The following ALS2 variants were observed in gnomAD, a reference collection of about 807,000 sequenced individuals.
The protein encoded by ALS2 is alsin Rho guanine nucleotide exchange factor ALS2, also known as alsin.
ALS2 carries 117 observed loss-of-function variants against 203.4 expected under a neutral mutation model. That is an observed-to-expected ratio of 0.58 (90% CI 0.50 to 0.67). ALS2 has a LOEUF of 0.67. Ranked by LOEUF, ALS2 falls within the 30% of genes least tolerant of loss-of-function variation. The pLI, the probability that ALS2 is intolerant of heterozygous loss-of-function variation, is 0.00. For missense variants in ALS2, 1,715 were observed against 1,989.4 expected (o/e 0.86, Z 2.62); for synonymous variants, 718 against 725.9 (o/e 0.99, Z 0.17).
At chr2:201,706,393 GAAA>G (rs35917459) in intron 29 of ALS2, among the ~76,000 whole-genome samples, 23 of 140,938 alleles carry the variant, frequency 1.6e-4, no homozygotes, top group East Asian at 2.1e-4. Context: ...TTCAAAAAAA[GAAA>G]AAAAAAAAAA....
intron 4 of ALS2, among the ~76,000 whole-genome samples, chr2:201,758,767 T>C (rs991075644): frequency 2.6e-5 from 4 of 151,724 alleles, no homozygotes; most frequent in African/African-American, 7.3e-5. Context: ...CGCATGTGTG[T>C]GTGTGTGTGT....
At chr2:201,720,591 A>G (rs1398310390) in intron 23 of ALS2, among the ~76,000 whole-genome samples, 2 of 150,242 alleles carry the variant, frequency 1.3e-5, no homozygotes, top group South Asian at 2.1e-4. Context: ...GCATGTGCCT[A>G]TAGTCCCAGT....
intron 31 of ALS2, among the ~76,000 whole-genome samples, chr2:201,704,929 C>A (rs1220275718): frequency 1.3e-5 from 2 of 152,124 alleles, no homozygotes; most frequent in Non-Finnish European, 2.9e-5. Context: ...GCTTGGCTCT[C>A]TCCTACTTTT....
At chr2:201,711,212 C>T in intron 25 of ALS2, 104 bp from the exon 26 acceptor site, 1 of 780,680 alleles carries the variant, frequency 1.3e-6, no homozygotes, top group Non-Finnish European at 2.3e-6. Flanking sequence ...CAAAGTGGAG[C>T]ATCCAACGTA....
At chr2:201,740,266 G>A (rs1692187622) in intron 11 of ALS2, among the ~76,000 whole-genome samples, 1 of 152,182 alleles carries the variant, frequency 6.6e-6, no homozygotes, top group African/African-American at 2.4e-5. Flanking sequence ...GGTCAAGGCT[G>A]CAGTGAGCTG....
In ALS2 at chr2:201,760,925, C is replaced by G; in HGVS notation, c.1069G>C (p.Val357Leu). ...TCACCATGCTCTGAGTCCTCTCTTA[C>G]TGAATGATCTGACAGTTTCCGTAGG... ...EYLRKLSDHSVREDSEHGEKP... is the reference protein window; with the variant it reads ...EYLRKLSDHSLREDSEHGEKP... The change falls in exon 4 of 34, where the codon GTA (valine) becomes CTA (leucine). Residue 357 changes from valine (V) to leucine (L), a missense_variant. Val to Leu is a conservative substitution (Grantham distance 32). This residue lies in a region of ALS2 where 476 missense variants were observed against 539.3 expected (regional missense o/e 0.88). Transcript: ENST00000264276. The G allele has an allele frequency of 1.2e-6, 2 of 1,614,200 alleles. No individual in the cohort carries two copies. Among genetic ancestry groups the G allele is most frequent in the Non-Finnish European group, 1.7e-6 (2 of 1,180,028 alleles).
intron 3 of ALS2, among the ~76,000 whole-genome samples, chr2:201,764,369 C>T (rs1263916100): frequency 2.0e-5 from 3 of 152,028 alleles, no homozygotes; most frequent in South Asian, 4.1e-4. Context: ...CAGTGGCTCA[C>T]GCCTGTAATC....
At chr2:201,727,579 G>T in intron 16 of ALS2, 126 bp downstream of exon 16, 1 of 833,694 alleles carries the variant, frequency 1.2e-6, no homozygotes, top group Non-Finnish European at 2.0e-6. Flanking sequence ...GTGCTGAGAG[G>T]TGGGCCTCAT....
intron 1 of ALS2, among the ~76,000 whole-genome samples, 168 bp downstream of exon 1, chr2:201,780,709 A>C (rs1694870007): frequency 6.6e-6 from 1 of 152,212 alleles, no homozygotes; most frequent in South Asian, 2.1e-4. Context: ...GATCGCACCC[A>C]GAGCTGGGAA....
chr2:201,771,084 T>TC (rs2106109372), intron 1 of ALS2, among the ~76,000 whole-genome samples: 1 of 144,858 alleles, frequency 6.9e-6, no homozygotes, highest in African/African-American at 2.6e-5. Context: ...TTTGCTCTTG[T>TC]CACCCAGGCT....
chr2:201,706,349 GCAC>G (rs1689711835), intron 29 of ALS2, among the ~76,000 whole-genome samples: 1 of 150,172 alleles, frequency 6.7e-6, no homozygotes, highest in Non-Finnish European at 1.5e-5. Context: ...TTGCACCATC[GCAC>G]TCCTGCCTGC....
rs1172182742 is a variant in ALS2 at position 201,754,489 on chromosome 2, T to C, written c.1640+14A>G. On this transcript the variant is annotated intron_variant, in intron 6 of 33. Transcript: ENST00000264276. ...TTAAGCCAACTTCTATCGGTAAATGTTGGTAGCGCTTACCTAGGCAGAACA... is the reference window on the plus strand; with the variant it reads ...TTAAGCCAACTTCTATCGGTAAATGCTGGTAGCGCTTACCTAGGCAGAACA... 1.2e-6 allele frequency: 2 copies of C among 1,613,876 alleles called. No homozygotes were observed. Among genetic ancestry groups the C allele is most frequent in the African/African-American group, 1.3e-5 (1 of 74,910 alleles).
At chr2:201,745,782 C>T (rs1317442131) in intron 9 of ALS2, among the ~76,000 whole-genome samples, 1 of 152,066 alleles carries the variant, frequency 6.6e-6, no homozygotes, top group East Asian at 1.9e-4. Flanking sequence ...AACCCCGTCT[C>T]TACTAAAAAT....
At chr2:201,721,013 A>C (rs1334011311) in intron 23 of ALS2, among the ~76,000 whole-genome samples, 1 of 152,238 alleles carries the variant, frequency 6.6e-6, no homozygotes, top group Non-Finnish European at 1.5e-5. Context: ...AACAAGAACA[A>C]AATACAAAAT....
At chr2:201,737,229 T>A (rs1358516041) in intron 12 of ALS2, among the ~76,000 whole-genome samples, 6 of 152,184 alleles carry the variant, frequency 3.9e-5, no homozygotes, top group Non-Finnish European at 8.8e-5. Context: ...CTAGAGATGA[T>A]TTAACATATA....
At position 201,704,599 on chromosome 2, in the gene ALS2, T is replaced by C. The variant is rs1371979433; in HGVS notation, c.4693A>G (p.Thr1565Ala). ...AVECLQQIST[T>A]FTPSDKLKVI... ...TTAAGTTTGTCTGATGGGGTAAATGTTGTGCTGTTACAGAAACAATGACAA... is the reference window on the plus strand; with the variant it reads ...TTAAGTTTGTCTGATGGGGTAAATGCTGTGCTGTTACAGAAACAATGACAA... Residue 1565 changes from threonine (T) to alanine (A), a missense_variant, in exon 32 of 34, where the codon ACA (threonine) becomes GCA (alanine). Physicochemically the swap from Thr to Ala is moderately conservative, Grantham distance 58. Around this residue, in one of 3 missense-constraint regions of ALS2, gnomAD observed 1,227 missense variants for 1,413.5 expected, o/e 0.87. Coordinates refer to ENST00000264276, the MANE Select transcript of ALS2 (RefSeq NM_020919.4). The C allele has an allele frequency of 3.7e-6, 6 of 1,614,146 alleles. 1 individual carries two copies. The South Asian group carries it at 4.4e-5, about 12-fold the overall frequency.
At chr2:201,729,323 A>G in intron 13 of ALS2, 140 bp from the exon 14 acceptor site, 1 of 862,792 alleles carries the variant, frequency 1.2e-6, no homozygotes, top group South Asian at 1.6e-5. Context: ...AGCACACTGC[A>G]GGAGACTGGG....
chr2:201,735,154 C>T (rs2192763), intron 12 of ALS2, among the ~76,000 whole-genome samples: 93,296 of 151,564 alleles, frequency 0.62, 29,777 homozygotes, highest in Admixed American at 0.75. Context: ...GTACCTAGAA[C>T]AGGCAAACTC....
At chr2:201,703,489 A>T (rs2105962082) in intron 33 of ALS2, among the ~76,000 whole-genome samples, 1 of 152,242 alleles carries the variant, frequency 6.6e-6, no homozygotes, top group South Asian at 2.1e-4. Context: ...TCATTATTGT[A>T]ATTTTATAAA....
Sources: allele counts gnomAD v4.1 joint callset (sites outside exome capture counted in the v4.1 genomes callset), GRCh38; gene constraint gnomAD v4.1.1; regional missense constraint gnomAD v4.1.1; transcripts MANE v1.5; gene names NCBI Gene and HGNC (gene_info 2026-07-23, HGNC 2026-07-21).